DNAJC10: variants seen among roughly 807,000 people sequenced by gnomAD.
DNAJC10 encodes the protein DnaJ heat shock protein family (Hsp40) member C10, also known as endoplasmic reticulum disulfide reductase DNAJC10.
In DNAJC10, 101 loss-of-function variants were observed where a neutral mutation model predicts 115.0. The ratio of observed to expected loss-of-function variants is 0.88; its 90% CI spans 0.75 to 1.04. The LOEUF is 1.04. Among genes scored for constraint, DNAJC10 ranks in the 50% least tolerant of loss-of-function variants. The probability of loss-of-function intolerance (pLI) is 0.00; values close to 1 mark genes in which losing one functional copy is unlikely to be tolerated. For missense variants in DNAJC10, 981 were observed against 928.8 expected (o/e 1.06, Z -0.73); for synonymous variants, 307 against 301.5 (o/e 1.02, Z -0.19).
intron 14 of DNAJC10, among the ~76,000 whole-genome samples, chr2:182,750,788 C>G (rs1325926214): frequency 6.6e-6 from 1 of 152,152 alleles, no homozygotes; most frequent in Non-Finnish European, 1.5e-5. Flanking sequence ...ATGTGTTGCA[C>G]TACAGAGTTA....
intron 7 of DNAJC10, among the ~76,000 whole-genome samples, chr2:182,729,524 A>T (rs972238500): frequency 1.3e-5 from 2 of 152,192 alleles, no homozygotes; most frequent in African/African-American, 4.8e-5. Context: ...AAGGAACATA[A>T]TTTATACAAT....
At chr2:182,734,702 T>G (rs1412258397) in intron 10 of DNAJC10, among the ~76,000 whole-genome samples, 2 of 151,824 alleles carry the variant, frequency 1.3e-5, no homozygotes, top group Non-Finnish European at 3.0e-5. Flanking sequence ...TCTATTTCCT[T>G]TGTTTCTGTC....
intron 5 of DNAJC10, among the ~76,000 whole-genome samples, chr2:182,725,234 C>T (rs1693253197): frequency 6.6e-6 from 1 of 152,142 alleles, no homozygotes; most frequent in South Asian, 2.1e-4. Flanking sequence ...TTCTCTCCCA[C>T]TTCTTGGGCC....
Position 182,762,814 on chromosome 2 carries a change from T to TTTCCTCTGTTCC in DNAJC10, c.2265+18_2265+29dup. On this transcript the variant is annotated intron_variant, in intron 22 of 23. Transcript: ENST00000264065. The stretch of plus-strand genomic sequence containing the variant: ...CGAAAGAGCAAAGGTATGTCCAGAC[T>TTTCCTCTGTTCC]TTCCTCTGTTCCTTCCCTTAGTAGG... 6.2e-7 allele frequency: 1 copy of TTTCCTCTGTTCC among 1,609,726 alleles called. No homozygotes were observed. The highest frequency in any genetic ancestry group is 8.5e-7 in the Non-Finnish European group (1 of 1,177,250).
Position 182,751,605 on chromosome 2 carries a change from G to GA in DNAJC10, c.1307-53_1307-52insA, listed in dbSNP as rs1694020091. The stretch of plus-strand genomic sequence containing the variant: ...AGTATTAAAACTTTGAAATGTCTCT[G>GA]TGCATACAAAAAGCAGAATTTGGAT... On this transcript the variant is annotated intron_variant, in intron 14 of 23. Coordinates refer to ENST00000264065, the MANE Select transcript of DNAJC10 (RefSeq NM_018981.4). 35 of 1,579,434 alleles carry GA rather than the reference G, an allele frequency of 2.2e-5. No homozygotes were observed. In the South Asian group the frequency reaches 2.6e-4, roughly 12 times the overall value.
In DNAJC10 at chr2:182,736,250, A is replaced by T. The variant is rs201346173; in HGVS notation, c.851A>T (p.Asp284Val). The T allele has an allele frequency of 6.1e-5, 95 of 1,554,734 alleles. No homozygotes were observed. The highest frequency in any genetic ancestry group is 7.7e-5 in the Non-Finnish European group (89 of 1,159,654). ...QTRLRLSGML[D>V]GLVNVGWMDC... ...GTTTGTTGTTTCTTTCCATTTTAGG[A>T]TGGTCTTGTTAATGTAGGATGGATG... Residue 284 changes from aspartate to valine, a missense_variant and splice_region_variant, in exon 11 of 24, where the codon GAT (aspartate) becomes GTT (valine). Transcript: ENST00000264065.
intron 4 of DNAJC10, among the ~76,000 whole-genome samples, chr2:182,721,266 C>T (rs1370215630): frequency 6.6e-6 from 1 of 152,046 alleles, no homozygotes; most frequent in Non-Finnish European, 1.5e-5. Context: ...AGTATATTCT[C>T]TACACCTTGA....
At chr2:182,757,475 A>G (rs559865677) in intron 18 of DNAJC10, among the ~76,000 whole-genome samples, 20 of 152,320 alleles carry the variant, frequency 1.3e-4, no homozygotes, top group African/African-American at 4.6e-4. Flanking sequence ...AAATTGTTTA[A>G]TCTGCAATAA....
At chr2:182,758,802 A>C (rs1694219769) in intron 19 of DNAJC10, 35 bp from the exon 20 acceptor site, 1 of 1,447,490 alleles carries the variant, frequency 6.9e-7, no homozygotes, top group Admixed American at 1.7e-5. Context: ...ATAATAGAGA[A>C]TCCTATTTAC....
intron 11 of DNAJC10, among the ~76,000 whole-genome samples, chr2:182,738,955 C>CT (rs1417129388): frequency 6.6e-6 from 1 of 151,928 alleles, no homozygotes; most frequent in Non-Finnish European, 1.5e-5. Flanking sequence ...AAATTCTCCT[C>CT]TAACAGAAAC....
chr2:182,743,542 A>G (rs1022812734), intron 13 of DNAJC10, 56 bp from the exon 14 acceptor site: 1 of 1,300,930 alleles, frequency 7.7e-7, no homozygotes, highest in Non-Finnish European at 1.1e-6. Context: ...ATGAATATTT[A>G]CAAATCAAAT....
rs192013814 is a variant in DNAJC10 at position 182,734,600 on chromosome 2, C to G, written c.850-1649C>G. On this transcript the variant is annotated intron_variant, in intron 10 of 23. Transcript: ENST00000264065. ...GGTCCAATTTGTTAGCTATGTTAAT[C>G]AGATCCTCTAGATCTTAATAATTTT... 2.6e-5 allele frequency among the ~76,000 whole-genome samples: 4 copies of G among 151,858 alleles called. No individual in the cohort carries two copies. In the East Asian group the frequency reaches 7.7e-4, roughly 29 times the overall value.
rs534820116 is a variant in DNAJC10, at chr2:182,760,732, G to T, written c.2145+1425G>T. ...TAAAACACTCAACTGGAATGAGAAA[G>T]TCAGCTCCAGTTCCACCAGTTCACA... On this transcript the variant is annotated intron_variant, in intron 21 of 23. Transcript: ENST00000264065. Among the ~76,000 whole-genome samples the T allele has an allele frequency of 6.3e-4, 96 of 152,242 alleles. No individual in the cohort carries two copies. In the Middle Eastern group the frequency reaches 0.017, roughly 27 times the overall value.
chr2:182,740,033 G>GAAT (rs759930936), intron 11 of DNAJC10: 323 of 1,033,366 alleles, frequency 3.1e-4, no homozygotes, highest in Non-Finnish European at 3.7e-4. Flanking sequence ...ACACATCATA[G>GAAT]TTAATTAAAA....
intron 22 of DNAJC10, among the ~76,000 whole-genome samples, chr2:182,773,042 C>CA (rs1399448932): frequency 2.0e-5 from 3 of 152,068 alleles, no homozygotes; most frequent in African/African-American, 7.2e-5. Context: ...CTGGTGGTGA[C>CA]AAAATCAGCA....
Position 182,740,433 on chromosome 2 carries a change from ACATTT to A in DNAJC10, c.1077+48_1077+52del, listed in dbSNP as rs759149150. Reference sequence around the variant, plus strand: ...TGATAAGTAGCAATGAATGTTCGTAACATTTCAGGTCTTAACATTTTAAAATTAGC... The same window carrying A: ...TGATAAGTAGCAATGAATGTTCGTAACAGGTCTTAACATTTTAAAATTAGC... On this transcript the variant is annotated intron_variant, in intron 12 of 23. Coordinates refer to ENST00000264065, the MANE Select transcript of DNAJC10 (RefSeq NM_018981.4). 15 of 1,511,050 alleles carry A rather than the reference ACATTT, an allele frequency of 9.9e-6. No individual in the cohort carries two copies. In the East Asian group the frequency reaches 3.7e-4, roughly 37 times the overall value. 93.6% of individuals were successfully genotyped at this position (1,511,050 alleles called of 1,614,324 possible). A position where few individuals can be genotyped will look rare whatever the true frequency, so the allele number is the denominator to read the frequency against.
intron 21 of DNAJC10, 110 bp from the exon 22 acceptor site, chr2:182,762,572 G>T: frequency 8.4e-7 from 1 of 1,190,140 alleles, no homozygotes; most frequent in Non-Finnish European, 1.2e-6. Flanking sequence ...AAGAATTAAA[G>T]TTTTTTAAAT....
chr2:182,763,850 C>G (rs892744546), intron 22 of DNAJC10, among the ~76,000 whole-genome samples: 1 of 152,094 alleles, frequency 6.6e-6, no homozygotes, highest in African/African-American at 2.4e-5. Context: ...CAGCACAGAG[C>G]CGTCTGCAAA....
intron 14 of DNAJC10, among the ~76,000 whole-genome samples, chr2:182,747,927 T>C (rs1693912061): frequency 6.6e-6 from 1 of 151,298 alleles, no homozygotes; most frequent in African/African-American, 2.4e-5. Context: ...TTATGGAGAG[T>C]TTTTAGCATG....
Sources: allele counts gnomAD v4.1 joint callset (sites outside exome capture counted in the v4.1 genomes callset), GRCh38; gene constraint gnomAD v4.1.1; transcripts MANE v1.5; gene names NCBI Gene and HGNC (gene_info 2026-07-23, HGNC 2026-07-21).